The following NPAS3 variants were observed in gnomAD, a reference collection of about 807,000 sequenced individuals.
The protein encoded by NPAS3 is neuronal PAS domain protein 3, also known as neuronal PAS domain-containing protein 3.
In NPAS3, 14 loss-of-function variants were observed where a neutral mutation model predicts 73.1. The ratio of observed to expected loss-of-function variants is 0.19; its 90% CI spans 0.13 to 0.30. The LOEUF is 0.30. Ranked by LOEUF, NPAS3 falls within the 10% of genes least tolerant of loss-of-function variation. NPAS3 has a pLI of 1.00. For synonymous variants in NPAS3, 620 were observed against 541.5 expected, an observed-to-expected ratio of 1.14 and a Z score of -2.01; for missense variants, 1,096 against 1,250.0, an observed-to-expected ratio of 0.88 and a Z score of 1.86.
chr14:33,702,292 A>G (rs1164363982), intron 6 of NPAS3, among the ~76,000 whole-genome samples: 2 of 152,196 alleles, frequency 1.3e-5, no homozygotes, highest in Admixed American at 6.5e-5. Context: ...CAAAAATGCA[A>G]TTGGTGGGAG....
At chr14:33,770,774 C>A (rs1223603521) in intron 7 of NPAS3, among the ~76,000 whole-genome samples, 2 of 152,092 alleles carry the variant, frequency 1.3e-5, no homozygotes, top group African/African-American at 2.4e-5. Flanking sequence ...GTGGTGCATG[C>A]CTGTAATCCC....
At chr14:33,662,869 CTTTTTTT>C (rs550747845) in intron 5 of NPAS3, among the ~76,000 whole-genome samples, 26 of 89,890 alleles carry the variant, frequency 2.9e-4, no homozygotes, top group East Asian at 1.7e-3. Flanking sequence ...TGGGGTTTTC[CTTTTTTT>C]TTTTTTTTTT....
intron 2 of NPAS3, among the ~76,000 whole-genome samples, chr14:33,091,412 C>G (rs2042220542): frequency 6.6e-6 from 1 of 152,182 alleles, no homozygotes; most frequent in Non-Finnish European, 1.5e-5. Flanking sequence ...AATTCCTTGA[C>G]ACATACACCC....
At chr14:33,692,992 G>C (rs1214533207) in intron 6 of NPAS3, among the ~76,000 whole-genome samples, 1 of 152,052 alleles carries the variant, frequency 6.6e-6, no homozygotes, top group Non-Finnish European at 1.5e-5. Context: ...GTGGAAATGA[G>C]AGCAAAAACA....
At chr14:33,718,942 C>T (rs1445531911) in intron 6 of NPAS3, among the ~76,000 whole-genome samples, 1 of 152,098 alleles carries the variant, frequency 6.6e-6, no homozygotes, top group African/African-American at 2.4e-5. Flanking sequence ...CCCTGGGTAA[C>T]GTAGCAAGAC....
chr14:33,333,182 A>G (rs77663011), intron 3 of NPAS3, among the ~76,000 whole-genome samples: 4,873 of 152,256 alleles, frequency 0.032, 112 homozygotes, highest in South Asian at 0.062. Flanking sequence ...TGAAGTGCAA[A>G]CAGTAGTTTT....
At chr14:33,789,695 T>C (rs1023497483) in intron 9 of NPAS3, among the ~76,000 whole-genome samples, 21 of 143,586 alleles carry the variant, frequency 1.5e-4, no homozygotes, top group Admixed American at 1.2e-3. Context: ...TTCACGCCAT[T>C]CTCCTGCCTC....
chr14:33,461,883 A>G lies in NPAS3; in HGVS notation c.468+94615A>G, dbSNP rs183586187. Among the ~76,000 whole-genome samples the G allele has an allele frequency of 5.9e-5, 9 of 152,318 alleles. No individual in the cohort carries two copies. In the East Asian group the frequency reaches 1.7e-3, roughly 29 times the overall value. On this transcript the variant is annotated intron_variant, in intron 4 of 11. Transcript: ENST00000356141. ...TGACACTCAGTTTCATCACTTGTGA[A>G]ATGGGAATGGTAATAGTTTCAAATT... is the stretch of plus-strand genomic sequence containing the variant.
At chr14:33,422,567 A>C (rs192517296) in intron 4 of NPAS3, among the ~76,000 whole-genome samples, 118 of 152,086 alleles carry the variant, frequency 7.8e-4, no homozygotes, top group Non-Finnish European at 1.9e-4. Context: ...GTACATATTT[A>C]AAAGCATATA....
chr14:33,150,433 CT>C (rs1314668794), intron 2 of NPAS3, among the ~76,000 whole-genome samples: 3 of 152,146 alleles, frequency 2.0e-5, no homozygotes, highest in African/African-American at 7.2e-5. Context: ...CGCTGCATTT[CT>C]TTTTGTTTTC....
At chr14:33,178,102 G>A (rs1199099773) in intron 2 of NPAS3, among the ~76,000 whole-genome samples, 2 of 134,766 alleles carry the variant, frequency 1.5e-5, no homozygotes, top group Non-Finnish European at 3.1e-5. Flanking sequence ...TGGAGACAGA[G>A]TCTTGCTCTG....
At chr14:33,681,816 A>ATGAT (rs1174545266) in intron 6 of NPAS3, among the ~76,000 whole-genome samples, 10 of 152,308 alleles carry the variant, frequency 6.6e-5, no homozygotes, top group African/African-American at 2.2e-4. Flanking sequence ...AAAGTGTCAA[A>ATGAT]TGATAGAAAG....
chr14:33,681,329 C>T (rs980439219), intron 6 of NPAS3, among the ~76,000 whole-genome samples: 1 of 151,700 alleles, frequency 6.6e-6, no homozygotes, highest in Non-Finnish European at 1.5e-5. Flanking sequence ...AGATTTCTAT[C>T]AATGAACTGA....
At chr14:33,180,869 A>T (rs1248045244) in intron 2 of NPAS3, among the ~76,000 whole-genome samples, 4 of 149,892 alleles carry the variant, frequency 2.7e-5, no homozygotes, top group African/African-American at 9.8e-5. Flanking sequence ...TTCAGTAGTG[A>T]TGACAGATTG....
chr14:33,709,297 T>G (rs1719610579), intron 6 of NPAS3, among the ~76,000 whole-genome samples: 1 of 152,234 alleles, frequency 6.6e-6, no homozygotes, highest in South Asian at 2.1e-4. Context: ...CAGCTTCTTA[T>G]AAATTTTAGC....
At chr14:33,108,370 T>A (rs2042786498) in intron 2 of NPAS3, among the ~76,000 whole-genome samples, 1 of 151,994 alleles carries the variant, frequency 6.6e-6, no homozygotes, top group African/African-American at 2.4e-5. Context: ...ATTTTTGTAT[T>A]TTTAGTAGAA....
At chr14:33,128,697 A>T (rs2043523239) in intron 2 of NPAS3, among the ~76,000 whole-genome samples, 1 of 152,180 alleles carries the variant, frequency 6.6e-6, no homozygotes, top group African/African-American at 2.4e-5. Flanking sequence ...CCAGTATTGT[A>T]TACTCAATAC....
intron 1 of NPAS3, among the ~76,000 whole-genome samples, chr14:33,026,533 CTT>C (rs566846054): frequency 4.2e-5 from 6 of 143,354 alleles, no homozygotes; most frequent in African/African-American, 7.6e-5. Context: ...AGTGATTTTC[CTT>C]TTTTTTTTTT....
chr14:33,614,711 A>C (rs76137095), intron 5 of NPAS3, among the ~76,000 whole-genome samples: 1 of 152,186 alleles, frequency 6.6e-6, no homozygotes, highest in African/African-American at 2.4e-5. Context: ...TTAAGCCATT[A>C]TCTAGTTCTT....
Sources: gnomAD v4.1 joint callset for allele counts (sites outside exome capture counted in the v4.1 genomes callset) on GRCh38, gnomAD v4.1.1 for gene constraint, MANE v1.5 for transcripts, NCBI Gene and HGNC (gene_info 2026-07-23, HGNC 2026-07-21) for gene names.